The following PTPRG variants were observed in gnomAD, a reference collection of about 807,000 sequenced individuals.
PTPRG encodes protein tyrosine phosphatase receptor type G, also known as receptor-type tyrosine-protein phosphatase gamma.
PTPRG carries 102 observed loss-of-function variants against 165.3 expected under a neutral mutation model. The ratio of observed to expected loss-of-function variants is 0.62; its 90% CI spans 0.53 to 0.73. PTPRG has a LOEUF of 0.73. Ranked by LOEUF, PTPRG falls within the 30% of genes least tolerant of loss-of-function variation. The pLI, the probability that PTPRG is intolerant of heterozygous loss-of-function variation, is 0.00. For missense variants in PTPRG, 1,866 were observed against 1,861.4 expected, an observed-to-expected ratio of 1.00 and a Z score of -0.05; for synonymous variants, 675 against 669.5, an observed-to-expected ratio of 1.01 and a Z score of -0.13.
intron 2 of PTPRG, among the ~76,000 whole-genome samples, chr3:61,765,049 G>A (rs140644164): frequency 1.6e-3 from 244 of 152,286 alleles, no homozygotes; most frequent in African/African-American, 3.7e-3. Flanking sequence ...AGAATCCATC[G>A]TTTTTACACA....
intron 1 of PTPRG, among the ~76,000 whole-genome samples, chr3:61,718,337 A>C (rs910391757): frequency 1.3e-5 from 2 of 152,074 alleles, no homozygotes; most frequent in African/African-American, 4.8e-5. Flanking sequence ...TTCTTAGCTA[A>C]TTTTCATTTT....
chr3:62,119,787 ATTTTTTTTTT>A (rs34842750), intron 5 of PTPRG, among the ~76,000 whole-genome samples: 4 of 111,732 alleles, frequency 3.6e-5, no homozygotes, highest in South Asian at 3.2e-4. Flanking sequence ...CGCCTGGCTA[ATTTTTTTTTT>A]TTTTTTTTTT....
At chr3:61,775,564 A>G (rs2034351621) in intron 2 of PTPRG, among the ~76,000 whole-genome samples, 1 of 152,176 alleles carries the variant, frequency 6.6e-6, no homozygotes, top group Non-Finnish European at 1.5e-5. Flanking sequence ...TTAAAAGACA[A>G]ACTGAGTCTT....
intron 2 of PTPRG, among the ~76,000 whole-genome samples, chr3:61,829,174 C>A (rs184579522): frequency 7.2e-5 from 11 of 152,220 alleles, no homozygotes; most frequent in Non-Finnish European, 1.3e-4. Context: ...CCAACAAAGG[C>A]GAAGTAAATG....
At chr3:61,725,313 T>A (rs1363402788) in intron 1 of PTPRG, among the ~76,000 whole-genome samples, 1 of 152,142 alleles carries the variant, frequency 6.6e-6, no homozygotes, top group East Asian at 1.9e-4. Context: ...GACAGGATTT[T>A]CACCATGTTG....
rs1284929166 is a variant in PTPRG, at chr3:62,190,623, G to C, written c.1034-846G>C. On this transcript the variant is annotated intron_variant, in intron 8 of 29. Coordinates refer to ENST00000474889, the MANE Select transcript of PTPRG (RefSeq NM_002841.4). The surrounding 1 kb of genome is among the most constrained non-coding windows in gnomAD (Gnocchi z 5.2). ...CAGGATAATTACACGGGGTTCTGCT[G>C]TTCCAGAGAAAGTCATCCTTGTGTT... 6.6e-6 allele frequency among the ~76,000 whole-genome samples: 1 copy of C among 152,200 alleles called. No homozygotes were observed. The highest frequency in any genetic ancestry group is 2.4e-5 in the African/African-American group (1 of 41,452).
At chr3:62,116,853 G>A (rs964876844) in intron 5 of PTPRG, among the ~76,000 whole-genome samples, 47 of 152,306 alleles carry the variant, frequency 3.1e-4, no homozygotes, top group African/African-American at 1.1e-3. Flanking sequence ...GGACTTCCAC[G>A]TTTTAGAGTT....
At chr3:62,284,768 G>C (rs192581398) in intron 28 of PTPRG, among the ~76,000 whole-genome samples, 324 of 152,170 alleles carry the variant, frequency 2.1e-3, no homozygotes, top group Admixed American at 4.5e-3. Flanking sequence ...TTATTTTTGA[G>C]TCTCCCTCAC....
chr3:61,789,796 T>A (rs2034816702), intron 2 of PTPRG, among the ~76,000 whole-genome samples: 1 of 152,250 alleles, frequency 6.6e-6, no homozygotes, highest in Non-Finnish European at 1.5e-5. Context: ...GGAGGTACTT[T>A]GTTTCACGAG....
chr3:61,879,810 G>C (rs2037836325), intron 2 of PTPRG, among the ~76,000 whole-genome samples: 1 of 152,140 alleles, frequency 6.6e-6, no homozygotes. Flanking sequence ...GGATTTTAGG[G>C]TTTATATCCT....
At chr3:61,652,180 T>A (rs1429474472) in intron 1 of PTPRG, among the ~76,000 whole-genome samples, 1 of 151,922 alleles carries the variant, frequency 6.6e-6, no homozygotes, top group Non-Finnish European at 1.5e-5. Flanking sequence ...TGGTGGTGGA[T>A]GCCTGTAATC....
At chr3:61,687,804 C>A (rs942700463) in intron 1 of PTPRG, among the ~76,000 whole-genome samples, 2 of 152,102 alleles carry the variant, frequency 1.3e-5, no homozygotes, top group African/African-American at 4.8e-5. Flanking sequence ...TTGGGAAATC[C>A]ATTTGTTAAA....
chr3:62,053,267 T>A (rs972131491), intron 4 of PTPRG, among the ~76,000 whole-genome samples: 1 of 33,158 alleles, frequency 3.0e-5, no homozygotes, highest in Non-Finnish European at 1.4e-4. Context: ...CTGCCTTGGG[T>A]TTTTTTTTTT....
chr3:62,118,411 G>C (rs1368148350), intron 5 of PTPRG: 1 of 152,174 alleles, frequency 6.6e-6, no homozygotes, highest in Non-Finnish European at 1.5e-5. Context: ...CATGATAGAA[G>C]TGTAATTTGA....
intron 1 of PTPRG, among the ~76,000 whole-genome samples, chr3:61,643,850 A>T (rs1215282532): frequency 6.6e-6 from 1 of 152,160 alleles, no homozygotes; most frequent in Non-Finnish European, 1.5e-5. Flanking sequence ...GGTCAGTTTG[A>T]TGATATAATA....
At chr3:62,166,336 A>T (rs1264578632) in intron 7 of PTPRG, among the ~76,000 whole-genome samples, 12 of 148,010 alleles carry the variant, frequency 8.1e-5, no homozygotes, top group East Asian at 6.1e-4. Context: ...ATTTTTAAAA[A>T]TTTTTTTATT....
At chr3:62,143,457 T>C (rs967281375) in intron 6 of PTPRG, among the ~76,000 whole-genome samples, 17 of 152,074 alleles carry the variant, frequency 1.1e-4, no homozygotes, top group Admixed American at 7.2e-4. Flanking sequence ...TGAATCAGAG[T>C]CCACACATCC....
At chr3:62,159,087 G>A (rs1704646295) in intron 7 of PTPRG, among the ~76,000 whole-genome samples, 2 of 152,138 alleles carry the variant, frequency 1.3e-5, no homozygotes, top group South Asian at 4.2e-4. Flanking sequence ...CACTTTGGGA[G>A]GGTGAAGCAG....
chr3:61,875,533 T>A (rs190424848), intron 2 of PTPRG, among the ~76,000 whole-genome samples: 10 of 152,132 alleles, frequency 6.6e-5, no homozygotes, highest in South Asian at 6.2e-4. Flanking sequence ...GAAAGAGATG[T>A]TTGCTCTATA....
Sources: gnomAD v4.1 joint callset for allele counts (sites outside exome capture counted in the v4.1 genomes callset) on GRCh38, gnomAD v4.1.1 for gene constraint, Gnocchi (gnomAD v3.1) non-coding constraint, MANE v1.5 for transcripts, NCBI Gene and HGNC (gene_info 2026-07-23, HGNC 2026-07-21) for gene names.